The following CDYL variants were observed in gnomAD, a reference collection of about 807,000 sequenced individuals.
The protein encoded by CDYL is chromodomain Y like.
CDYL carries 8 observed loss-of-function variants against 47.3 expected under a neutral mutation model. The ratio of observed to expected loss-of-function variants is 0.17; its 90% CI spans 0.10 to 0.31. CDYL has a LOEUF of 0.31. Among genes scored for constraint, CDYL ranks in the 10% least tolerant of loss-of-function variants. The probability of loss-of-function intolerance (pLI) is 1.00; values close to 1 mark genes in which losing one functional copy is unlikely to be tolerated. For missense variants in CDYL, 471 were observed against 701.4 expected, an observed-to-expected ratio of 0.67 and a Z score of 3.71; for synonymous variants, 266 against 265.0, an observed-to-expected ratio of 1.00 and a Z score of -0.04.
chr6:4,948,066 C>T (rs898712269), intron 5 of CDYL, among the ~76,000 whole-genome samples: 43 of 152,186 alleles, frequency 2.8e-4, no homozygotes, highest in African/African-American at 9.7e-4. Context: ...ATCAGTTCAT[C>T]GTAGTGATTA....
intron 1 of CDYL, among the ~76,000 whole-genome samples, chr6:4,889,648 A>C (rs1020819628): frequency 5.3e-5 from 8 of 152,242 alleles, no homozygotes; most frequent in African/African-American, 1.7e-4. Context: ...GTTTAATGCC[A>C]TTTCATTCAT....
chr6:4,776,252 C>G (rs1421627836), upstream of CDYL, among the ~76,000 whole-genome samples: 2 of 143,932 alleles, frequency 1.4e-5, no homozygotes, highest in Non-Finnish European at 3.1e-5. Context: ...GCCTCGGCCC[C>G]GAGCGGAGCC....
intron 3 of CDYL, among the ~76,000 whole-genome samples, chr6:4,764,548 A>G (rs902634115): frequency 2.6e-5 from 4 of 152,188 alleles, no homozygotes; most frequent in Non-Finnish European, 5.9e-5. Flanking sequence ...TCAGCCTCCC[A>G]AAGTGCTGGG....
At chr6:4,716,722 G>A (rs1325132618) in intron 2 of CDYL, among the ~76,000 whole-genome samples, 1 of 151,376 alleles carries the variant, frequency 6.6e-6, no homozygotes, top group Non-Finnish European at 1.5e-5. Context: ...TACCACGAGA[G>A]CTAGCAACCT....
chr6:4,723,788 T>C lies in CDYL; in HGVS notation c.103+7907T>C, dbSNP rs556158408. On this transcript the variant is annotated intron_variant, in intron 2 of 8. Coordinates refer to the CDYL transcript ENST00000328908. The stretch of plus-strand genomic sequence containing the variant: ...GCCCCTGCTCTTGGCAACTTAAAAA[T>C]CTAAGGGAAACATCAAGTCGTTATT... 3.3e-5 allele frequency among the ~76,000 whole-genome samples: 5 copies of C among 152,242 alleles called. No individual in the cohort carries two copies. In the East Asian group the frequency reaches 9.7e-4, roughly 29 times the overall value.
intron 3 of CDYL, among the ~76,000 whole-genome samples, chr6:4,759,482 C>G (rs1345066309): frequency 6.6e-6 from 1 of 151,990 alleles, no homozygotes; most frequent in Admixed American, 6.6e-5. Context: ...TTGCTTAGTC[C>G]TGATTATCTA....
chr6:4,883,243 C>G (rs1164846174), intron 1 of CDYL, among the ~76,000 whole-genome samples: 1 of 152,148 alleles, frequency 6.6e-6, no homozygotes, highest in Non-Finnish European at 1.5e-5. Context: ...TTGGGAAATT[C>G]TGGGACAGGG....
At chr6:4,742,589 GAAAAGA>G (rs1352062115) in intron 3 of CDYL, among the ~76,000 whole-genome samples, 3 of 152,118 alleles carry the variant, frequency 2.0e-5, no homozygotes, top group Non-Finnish European at 4.4e-5. Flanking sequence ...TGCTGGAAAA[GAAAAGA>G]AAAAGGAAGA....
chr6:4,900,777 GTGTATA>G (rs1365682697), intron 2 of CDYL, among the ~76,000 whole-genome samples: 1 of 18,134 alleles, frequency 5.5e-5, no homozygotes, highest in African/African-American at 2.1e-4. Flanking sequence ...CCGTATACGT[GTGTATA>G]TATATATATA....
intron 1 of CDYL, among the ~76,000 whole-genome samples, chr6:4,713,710 C>T (rs1757200389): frequency 6.6e-6 from 1 of 152,076 alleles, no homozygotes; most frequent in South Asian, 2.1e-4. Context: ...GTCTCAGCCC[C>T]CCAAGTAGCT....
At chr6:4,898,211 G>A (rs181411683) in intron 2 of CDYL, among the ~76,000 whole-genome samples, 66 of 108,738 alleles carry the variant, frequency 6.1e-4, no homozygotes, top group South Asian at 3.7e-3. Flanking sequence ...CACAGAGCAA[G>A]ACCCTGTCTC....
At chr6:4,900,779 G>GTGTGTGTGTA in intron 2 of CDYL, among the ~76,000 whole-genome samples, 29 of 51,684 alleles carry the variant, frequency 5.6e-4, no homozygotes, top group Non-Finnish European at 9.1e-4. Flanking sequence ...GTATACGTGT[G>GTGTGTGTGTA]TATATATATA....
chr6:4,927,713 C>T (rs1757920514), intron 2 of CDYL, among the ~76,000 whole-genome samples: 1 of 152,104 alleles, frequency 6.6e-6, no homozygotes, highest in South Asian at 2.1e-4. Context: ...AGCCAACACA[C>T]CCAACATTGT....
intron 2 of CDYL, among the ~76,000 whole-genome samples, chr6:4,926,824 A>AT (rs869273375): frequency 7.0e-6 from 1 of 143,178 alleles, no homozygotes; most frequent in South Asian, 2.3e-4. Flanking sequence ...TTTCATTTTT[A>AT]TTTTTTTCAT....
At chr6:4,734,404 A>T (rs1582293667) in intron 2 of CDYL, among the ~76,000 whole-genome samples, 1 of 152,048 alleles carries the variant, frequency 6.6e-6, no homozygotes, top group Non-Finnish European at 1.5e-5. Flanking sequence ...GGGGCTCCCC[A>T]CCAGACAGCC....
chr6:4,839,626 C>T (rs545056509), intron 1 of CDYL, among the ~76,000 whole-genome samples: 1 of 152,326 alleles, frequency 6.6e-6, no homozygotes, highest in South Asian at 2.1e-4. Flanking sequence ...CAGTTTCATT[C>T]TCCTACATGT....
intron 1 of CDYL, among the ~76,000 whole-genome samples, chr6:4,712,203 C>CA (rs1757164199): frequency 6.6e-6 from 1 of 152,200 alleles, no homozygotes; most frequent in Non-Finnish European, 1.5e-5. Context: ...CTTGAGTAGA[C>CA]AGGCTGACAG....
intron 1 of CDYL, among the ~76,000 whole-genome samples, chr6:4,713,436 C>T (rs1036056778): frequency 7.9e-5 from 12 of 152,206 alleles, no homozygotes; most frequent in African/African-American, 2.2e-4. Context: ...CAGGGCTCCC[C>T]GTGAAACTGA....
At chr6:4,761,349 AT>A (rs150858018) in intron 3 of CDYL, among the ~76,000 whole-genome samples, 5 of 151,646 alleles carry the variant, frequency 3.3e-5, no homozygotes, top group East Asian at 1.9e-4. Flanking sequence ...TTTCCCCATG[AT>A]TTTTTTTTCC....
Sources: allele counts gnomAD v4.1 joint callset (sites outside exome capture counted in the v4.1 genomes callset), GRCh38; gene constraint gnomAD v4.1.1; transcripts MANE v1.5; gene names NCBI Gene and HGNC (gene_info 2026-07-23, HGNC 2026-07-21).